The following DOCK2 variants were observed in gnomAD, a reference collection of about 807,000 sequenced individuals.
DOCK2 encodes dedicator of cytokinesis 2, also known as dedicator of cytokinesis protein 2.
DOCK2 carries 87 observed loss-of-function variants against 248.9 expected under a neutral mutation model. That is an observed-to-expected ratio of 0.35 (90% confidence interval 0.29 to 0.42). The LOEUF (loss-of-function observed/expected upper bound fraction) is 0.42, where lower values mean the gene tolerates loss of function less well. Ranked by LOEUF, DOCK2 falls within the 10% of genes least tolerant of loss-of-function variation. DOCK2 has a pLI of 1.00. For missense variants in DOCK2, 1,747 were observed against 2,300.2 expected (o/e 0.76, Z 4.92); for synonymous variants, 805 against 821.6 (o/e 0.98, Z 0.35).
chr5:169,654,262 C>A, intron 1 of DOCK2, 141 bp from the exon 2 acceptor site: 1 of 819,796 alleles, frequency 1.2e-6, no homozygotes, highest in Non-Finnish European at 1.9e-6. Context: ...TTGTGGCAGG[C>A]AATAGGTTTC....
Position 170,018,987 on chromosome 5 carries a change from G to C in DOCK2, c.3260G>C (p.Gly1087Ala). The change falls in exon 33 of 52, where the codon GGC (glycine) becomes GCC (alanine). Residue 1087 changes from glycine (G) to alanine (A), a missense_variant. Physicochemically the swap from Gly to Ala is moderately conservative, Grantham distance 60. This residue lies in a region of DOCK2 where 858 missense variants were observed against 1,183.5 expected (regional missense o/e 0.72). Coordinates refer to ENST00000520908, the MANE Select transcript of DOCK2 (RefSeq NM_004946.3). ...CAGAACAAAATCTGCTTCATCCCAG[G>C]CATGGTAGGACCTATATTAGAGATG... ...LGQNKICFIP[G>A]MVGPILEMTL... 8 of 1,613,982 alleles carry C rather than the reference G, an allele frequency of 5.0e-6. No homozygotes were observed.
chr5:170,064,046 A>G (rs928063310), intron 44 of DOCK2, among the ~76,000 whole-genome samples: 1 of 152,148 alleles, frequency 6.6e-6, no homozygotes, highest in African/African-American at 2.4e-5. Context: ...GGCACATCCT[A>G]AACTATAGGG....
intron 27 of DOCK2, among the ~76,000 whole-genome samples, chr5:169,874,276 G>C (rs1772172431): frequency 6.6e-6 from 1 of 152,036 alleles, no homozygotes; most frequent in Admixed American, 6.6e-5. Context: ...AGCTGGGTGT[G>C]GTGGCGGGCA....
intron 29 of DOCK2, among the ~76,000 whole-genome samples, chr5:169,989,974 C>A (rs1450999987): frequency 6.6e-6 from 1 of 152,184 alleles, no homozygotes; most frequent in Non-Finnish European, 1.5e-5. Flanking sequence ...GCTGATGAAT[C>A]ACTGACACCC....
chr5:169,668,142 TA>T (rs1758836877), intron 2 of DOCK2, among the ~76,000 whole-genome samples: 1 of 152,250 alleles, frequency 6.6e-6, no homozygotes, highest in Non-Finnish European at 1.5e-5. Context: ...CACTCATTTG[TA>T]AAACAGGATA....
chr5:169,856,180 C>A (rs112178769), intron 27 of DOCK2, among the ~76,000 whole-genome samples: 148 of 152,162 alleles, frequency 9.7e-4, no homozygotes, highest in Non-Finnish European at 1.8e-3. Flanking sequence ...GGTGGGGACA[C>A]AAAACCTAAC....
At chr5:169,889,191 G>C (rs930761451) in intron 27 of DOCK2, among the ~76,000 whole-genome samples, 1 of 152,162 alleles carries the variant, frequency 6.6e-6, no homozygotes, top group Admixed American at 6.5e-5. Context: ...TTGGATAGTT[G>C]CATGGAATAA....
chr5:170,057,794 A>G, intron 44 of DOCK2, 128 bp downstream of exon 44: 1 of 786,474 alleles, frequency 1.3e-6, no homozygotes, highest in Non-Finnish European at 1.9e-6. Context: ...TGAGTCCCAG[A>G]ATTCCCATGC....
At chr5:169,835,108 AC>A (rs1769478844) in intron 26 of DOCK2, among the ~76,000 whole-genome samples, 1 of 152,188 alleles carries the variant, frequency 6.6e-6, no homozygotes, top group African/African-American at 2.4e-5. Flanking sequence ...ATAGTTTACA[AC>A]TTGGATGAGA....
chr5:170,081,829 G>T lies in DOCK2; in HGVS notation c.5288-13G>T, dbSNP rs1292118884. On this transcript the variant is annotated splice_polypyrimidine_tract_variant and intron_variant, in intron 50 of 51. Transcript: ENST00000520908. ...ACCCACCCATTCACACCCCAGCTCT[G>T]CTCTCCTTCCAGCCCTGGCGCTCTC... is the stretch of plus-strand genomic sequence containing the variant. 1 of 1,604,064 alleles carries T rather than the reference G, an allele frequency of 6.2e-7. No individual in the cohort carries two copies. The highest frequency in any genetic ancestry group is 1.1e-5 in the South Asian group (1 of 90,304).
At chr5:169,683,879 G>A (rs77072821) in intron 7 of DOCK2, among the ~76,000 whole-genome samples, 7,099 of 152,248 alleles carry the variant, frequency 0.047, 206 homozygotes, top group Non-Finnish European at 0.069. Context: ...CCTAGCTGTT[G>A]CATCTTTCAA....
chr5:169,977,032 C>T (rs992981579), intron 27 of DOCK2, among the ~76,000 whole-genome samples: 8 of 152,190 alleles, frequency 5.3e-5, no homozygotes, highest in South Asian at 2.1e-4. Flanking sequence ...TGTCACTGCA[C>T]GCAAAGACAG....
chr5:169,974,659 T>A (rs1777648792), intron 27 of DOCK2, among the ~76,000 whole-genome samples: 1 of 152,120 alleles, frequency 6.6e-6, no homozygotes, highest in Admixed American at 6.5e-5. Flanking sequence ...ACCCTAGCAA[T>A]GCTCCTGGTT....
chr5:169,726,796 C>G (rs1437475717), intron 22 of DOCK2, among the ~76,000 whole-genome samples: 2 of 152,130 alleles, frequency 1.3e-5, no homozygotes, highest in African/African-American at 4.8e-5. Flanking sequence ...ATCAGTGATG[C>G]AATATCACAG....
At chr5:169,718,934 T>A in intron 22 of DOCK2, 143 bp downstream of exon 22, 1 of 1,109,778 alleles carries the variant, frequency 9.0e-7, no homozygotes. Context: ...ACCTAGAGAG[T>A]AATGAATATG....
intron 23 of DOCK2, among the ~76,000 whole-genome samples, chr5:169,758,831 A>G (rs1311399853): frequency 1.3e-5 from 2 of 152,242 alleles, no homozygotes; most frequent in Admixed American, 1.3e-4. Context: ...TATGGCTAGG[A>G]GGAAGATTTT....
chr5:170,031,767 T>C (rs1194148001), intron 34 of DOCK2, among the ~76,000 whole-genome samples: 2 of 152,194 alleles, frequency 1.3e-5, no homozygotes, highest in African/African-American at 4.8e-5. Context: ...ATTTCACCAA[T>C]CCTAGATGGT....
intron 25 of DOCK2, among the ~76,000 whole-genome samples, chr5:169,766,419 T>C (rs1764794765): frequency 6.6e-6 from 1 of 152,230 alleles, no homozygotes; most frequent in South Asian, 2.1e-4. Flanking sequence ...TTTTTATGGC[T>C]GCGTAGTATT....
At chr5:169,722,037 A>C (rs1340269925) in intron 22 of DOCK2, among the ~76,000 whole-genome samples, 2 of 152,204 alleles carry the variant, frequency 1.3e-5, no homozygotes, top group Non-Finnish European at 2.9e-5. Flanking sequence ...AAATTATAGG[A>C]AGTGTGTCTG....
Sources: gnomAD v4.1 joint callset for allele counts (sites outside exome capture counted in the v4.1 genomes callset) on GRCh38, gnomAD v4.1.1 for gene constraint, gnomAD v4.1.1 regional missense constraint, MANE v1.5 for transcripts, NCBI Gene and HGNC (gene_info 2026-07-23, HGNC 2026-07-21) for gene names.